Variants in KIAA1671 observed in about 807,000 individuals in gnomAD.
The protein encoded by KIAA1671 is KIAA1671.
In KIAA1671, 52 loss-of-function variants were observed where a neutral mutation model predicts 131.2. The observed-to-expected ratio is 0.40, with a 90% CI of 0.32 to 0.50. KIAA1671 has a LOEUF of 0.50. Ranked by LOEUF, KIAA1671 falls within the 20% of genes least tolerant of loss-of-function variation. KIAA1671 has a pLI of 0.73. For missense variants in KIAA1671, 2,360 were observed against 2,364.2 expected (o/e 1.00, Z 0.04); for synonymous variants, 1,003 against 961.6 (o/e 1.04, Z -0.80).
At chr22:25,086,487 A>G (rs7288993) in intron 6 of KIAA1671, among the ~76,000 whole-genome samples, 56,109 of 152,062 alleles carry the variant, frequency 0.37, 10,643 homozygotes, top group Middle Eastern at 0.45. Context: ...TATCTCGTTC[A>G]TCTTTTCCCT....
chr22:24,958,155 C>A (rs1921819517), intron 1 of KIAA1671, among the ~76,000 whole-genome samples: 1 of 151,898 alleles, frequency 6.6e-6, no homozygotes, highest in South Asian at 2.1e-4. Flanking sequence ...CATGCCCTTC[C>A]CACTTGCATG....
chr22:25,074,793 C>T (rs1022694330), intron 6 of KIAA1671, among the ~76,000 whole-genome samples: 2 of 152,264 alleles, frequency 1.3e-5, no homozygotes, highest in East Asian at 1.9e-4. Flanking sequence ...CTGGACACTT[C>T]GGGTGTGTCC....
At chr22:25,098,476 A>C (rs981052392) in intron 6 of KIAA1671, among the ~76,000 whole-genome samples, 1 of 152,204 alleles carries the variant, frequency 6.6e-6, no homozygotes, top group Non-Finnish European at 1.5e-5. Flanking sequence ...CAATTAGGGA[A>C]ATACCAAGTA....
intron 1 of KIAA1671, among the ~76,000 whole-genome samples, chr22:24,993,335 C>T (rs554484561): frequency 1.8e-4 from 28 of 152,272 alleles, no homozygotes; most frequent in Admixed American, 9.2e-4. Flanking sequence ...AGACCCTGTC[C>T]GTTGTCTTCT....
At chr22:25,077,562 T>C (rs1929180976) in intron 6 of KIAA1671, among the ~76,000 whole-genome samples, 1 of 152,152 alleles carries the variant, frequency 6.6e-6, no homozygotes. Flanking sequence ...CTGCTTTCAG[T>C]GTAGTGAGGA....
At chr22:25,116,768 G>C (rs1198712994) in intron 6 of KIAA1671, among the ~76,000 whole-genome samples, 1 of 152,154 alleles carries the variant, frequency 6.6e-6, no homozygotes, top group Non-Finnish European at 1.5e-5. Flanking sequence ...TGGTGCAGGA[G>C]AAATGGCTGT....
chr22:25,171,835 C>T (rs1933859843), intron 7 of KIAA1671, among the ~76,000 whole-genome samples: 1 of 152,020 alleles, frequency 6.6e-6, no homozygotes, highest in African/African-American at 2.4e-5. Flanking sequence ...GTGGCTGCTT[C>T]GTGGGTATCT....
intron 6 of KIAA1671, among the ~76,000 whole-genome samples, chr22:25,138,109 G>A (rs1932750670): frequency 6.6e-6 from 1 of 152,208 alleles, no homozygotes; most frequent in African/African-American, 2.4e-5. Context: ...CAAAACTTCA[G>A]TGGCTTAAAA....
At chr22:24,966,849 G>A (rs938020066) in intron 1 of KIAA1671, among the ~76,000 whole-genome samples, 8 of 152,196 alleles carry the variant, frequency 5.3e-5, no homozygotes, top group African/African-American at 9.7e-5. Flanking sequence ...TCAACTGCTC[G>A]GGAGGCTGAG....
At chr22:25,162,082 G>C (rs1048440481) in intron 6 of KIAA1671, among the ~76,000 whole-genome samples, 2 of 152,170 alleles carry the variant, frequency 1.3e-5, no homozygotes, top group African/African-American at 4.8e-5. Context: ...CTGGGCCTCA[G>C]TCTCCTCCTC....
intron 3 of KIAA1671, among the ~76,000 whole-genome samples, chr22:25,031,780 G>A (rs1157437244): frequency 6.6e-5 from 10 of 152,304 alleles, no homozygotes; most frequent in East Asian, 1.9e-4. Context: ...TGGAGAGGCC[G>A]TGTGATTATC....
At chr22:25,092,619 C>T (rs1930077994) in intron 6 of KIAA1671, among the ~76,000 whole-genome samples, 1 of 151,906 alleles carries the variant, frequency 6.6e-6, no homozygotes, top group Non-Finnish European at 1.5e-5. Flanking sequence ...GGACTTGGGT[C>T]CAGTGCTGGG....
In KIAA1671 at chr22:25,133,989, C is replaced by T. The variant is rs912717004; in HGVS notation, c.4531-36831C>T. 2.0e-5 allele frequency among the ~76,000 whole-genome samples: 3 copies of T among 152,348 alleles called. No homozygotes were observed. The South Asian group carries it at 6.2e-4, about 32-fold the overall frequency. On this transcript the variant is annotated intron_variant, in intron 6 of 12. Transcript: ENST00000358431. ...AGATTCCACAAGGGGAACTTTCCATCTGGTACAGGACCCCCTTTATTTAGA... is the reference window on the plus strand; with the variant it reads ...AGATTCCACAAGGGGAACTTTCCATTTGGTACAGGACCCCCTTTATTTAGA...
At chr22:25,009,994 C>T (rs1049617009) in intron 1 of KIAA1671, 1 of 152,224 alleles carries the variant, frequency 6.6e-6, no homozygotes, top group Non-Finnish European at 1.5e-5. Flanking sequence ...ACTCTCTCCA[C>T]CTGTGAAACA....
chr22:25,083,045 A>G (rs1483416620), intron 6 of KIAA1671, among the ~76,000 whole-genome samples: 4 of 152,142 alleles, frequency 2.6e-5, no homozygotes, highest in East Asian at 1.9e-4. Flanking sequence ...TGCTCCTCCT[A>G]TGTGCTGGTG....
chr22:24,975,151 C>T (rs1192846832), intron 1 of KIAA1671, among the ~76,000 whole-genome samples: 3 of 152,198 alleles, frequency 2.0e-5, no homozygotes, highest in South Asian at 2.1e-4. Flanking sequence ...GTTTCCTCCT[C>T]GGCCTTACAC....
rs1299657194 is a variant in KIAA1671 at position 25,182,489 on chromosome 22, G to C, written c.5199+666G>C. Among the ~76,000 whole-genome samples, 3 of 151,300 alleles carry C rather than the reference G, an allele frequency of 2.0e-5. No individual in the cohort carries two copies. In the East Asian group the frequency reaches 5.8e-4, roughly 29 times the overall value. ...TTTGAAATAGTTTAAGTTTCAAACGGAGTTGCAAAAATAACTCAGGGAGTT... is the reference window on the plus strand; with the variant it reads ...TTTGAAATAGTTTAAGTTTCAAACGCAGTTGCAAAAATAACTCAGGGAGTT... On this transcript the variant is annotated intron_variant, in intron 10 of 12. Coordinates refer to ENST00000358431, the MANE Select transcript of KIAA1671 (RefSeq NM_001145206.2).
rs1043061088 is a variant in KIAA1671, at chr22:25,040,551, C to T, written c.3421C>T (p.Arg1141Cys). ...WSHRGSEDGPRPQSNWKESAN... is the reference protein window; with the variant it reads ...WSHRGSEDGPCPQSNWKESAN... ...TCATCGGGGATCAGAAGATGGCCCT[C>T]GTCCTCAAAGCAATTGGAAGGAAAG... is the stretch of plus-strand genomic sequence containing the variant. Residue 1141 changes from arginine (R) to cysteine (C), a missense_variant, in exon 5 of 13, where the codon CGT becomes TGT. Arg to Cys is a radical substitution (Grantham distance 180, BLOSUM62 -3). This residue lies in a region of KIAA1671 where 1,161 missense variants were observed against 1,204.7 expected (regional missense o/e 0.96). Coordinates refer to ENST00000358431, the MANE Select transcript of KIAA1671 (RefSeq NM_001145206.2). The T allele has an allele frequency of 9.0e-6, 14 of 1,551,680 alleles. No individual in the cohort carries two copies. The highest frequency in any genetic ancestry group is 4.1e-5 in the African/African-American group (3 of 73,026).
At position 24,998,842 on chromosome 22, in the gene KIAA1671, GT is replaced by G. The variant is rs560129857; in HGVS notation, c.-207-26779del. The stretch of plus-strand genomic sequence containing the variant: ...ATCCTATGTTGGGGACTATCTGCAG[GT>G]TTTTTTTTTTTATTGTTGTATTATA... On this transcript the variant is annotated intron_variant, in intron 1 of 12. Transcript: ENST00000358431. Among the ~76,000 whole-genome samples, 1,361 of 145,280 alleles carry G rather than the reference GT, an allele frequency of 9.4e-3. 19 individuals carry two copies. Among genetic ancestry groups the G allele is most frequent in the African/African-American group, 0.028 (1,102 of 40,048 alleles).
Sources: gnomAD v4.1 joint callset for allele counts (sites outside exome capture counted in the v4.1 genomes callset) on GRCh38, gnomAD v4.1.1 for gene constraint, gnomAD v4.1.1 regional missense constraint, MANE v1.5 for transcripts, NCBI Gene and HGNC (gene_info 2026-07-23, HGNC 2026-07-21) for gene names.